The following RAD51B variants were observed in gnomAD, a reference collection of about 807,000 sequenced individuals.
RAD51B encodes RAD51 paralog B, also known as DNA repair protein RAD51 homolog 2.
RAD51B carries 38 observed loss-of-function variants against 42.2 expected under a neutral mutation model. The observed-to-expected ratio is 0.90, with a 90% CI of 0.70 to 1.18. The LOEUF (loss-of-function observed/expected upper bound fraction) is 1.18. Among genes scored for constraint, RAD51B ranks in the 50% most tolerant of loss-of-function variants. The pLI is 0.00. For missense variants in RAD51B, 373 were observed against 400.7 expected, an observed-to-expected ratio of 0.93 and a Z score of 0.59; for synonymous variants, 154 against 145.2, an observed-to-expected ratio of 1.06 and a Z score of -0.43.
At chr14:68,124,612 A>G (rs1359892971) in intron 7 of RAD51B, among the ~76,000 whole-genome samples, 2 of 152,158 alleles carry the variant, frequency 1.3e-5, no homozygotes, top group Non-Finnish European at 2.9e-5. Flanking sequence ...AAAAAAGAAG[A>G]CAGGTTTTCT....
At chr14:68,074,895 C>T (rs2076807788) in intron 7 of RAD51B, among the ~76,000 whole-genome samples, 1 of 152,230 alleles carries the variant, frequency 6.6e-6, no homozygotes, top group Admixed American at 6.5e-5. Context: ...TGTGGCTCCT[C>T]TGCATTTCCT....
chr14:68,251,266 T>C (rs1389674381), intron 7 of RAD51B, among the ~76,000 whole-genome samples: 1 of 152,166 alleles, frequency 6.6e-6, no homozygotes, highest in African/African-American at 2.4e-5. Flanking sequence ...CTCTGACTCT[T>C]TGCAAGGTAT....
intron 7 of RAD51B, among the ~76,000 whole-genome samples, chr14:67,996,933 T>C (rs2075395368): frequency 6.6e-6 from 1 of 152,222 alleles, no homozygotes; most frequent in East Asian, 1.9e-4. Flanking sequence ...CATGAGTTTC[T>C]AATAGATTAG....
chr14:68,301,479 G>C (rs1182330485), intron 8 of RAD51B, among the ~76,000 whole-genome samples: 1 of 151,450 alleles, frequency 6.6e-6, no homozygotes, highest in Non-Finnish European at 1.5e-5. Flanking sequence ...GACAAAACTA[G>C]AACTGAGGGA....
chr14:68,182,763 A>G lies in RAD51B; in HGVS notation c.757-109121A>G, dbSNP rs145705267. 3.2e-3 allele frequency among the ~76,000 whole-genome samples: 480 copies of G among 152,312 alleles called. 2 individuals are homozygous for G. Among genetic ancestry groups the G allele is most frequent in the African/African-American group, 0.011 (458 of 41,564 alleles). On this transcript the variant is annotated intron_variant, in intron 7 of 10. Transcript: ENST00000471583. ...CACCTTCCGGGGAAAATGTTAAGGC[A>G]TTTGCAAACATGCCTAGTTTCTTAG...
chr14:67,870,900 C>T (rs1164268463), intron 5 of RAD51B, among the ~76,000 whole-genome samples: 1 of 133,384 alleles, frequency 7.5e-6, no homozygotes, highest in South Asian at 2.3e-4. Flanking sequence ...AGAACAAAGA[C>T]ACAACATACC....
intron 10 of RAD51B, among the ~76,000 whole-genome samples, chr14:68,582,449 A>C (rs1890251557): frequency 6.6e-6 from 1 of 152,222 alleles, no homozygotes; most frequent in South Asian, 2.1e-4. Flanking sequence ...TCAAAACCAC[A>C]ATGAGATACC....
At chr14:68,668,722 TCTC>T (rs1008077165) in intron 11 of RAD51B, among the ~76,000 whole-genome samples, 5 of 152,298 alleles carry the variant, frequency 3.3e-5, no homozygotes, top group African/African-American at 1.2e-4. Context: ...GGCGGGCTGT[TCTC>T]CTGCACCCCC....
chr14:68,680,488 T>G (rs559311641), intron 11 of RAD51B, among the ~76,000 whole-genome samples: 8 of 152,348 alleles, frequency 5.3e-5, no homozygotes, highest in Admixed American at 5.2e-4. Context: ...TCATTTAATT[T>G]TTAACAATGG....
chr14:68,470,793 G>A (rs1352166043), intron 10 of RAD51B: 2 of 420,332 alleles, frequency 4.8e-6, no homozygotes, highest in Admixed American at 7.2e-5. Context: ...TTTCTTACGT[G>A]GATTGTTGTA....
intron 10 of RAD51B, among the ~76,000 whole-genome samples, chr14:68,513,603 T>TG: frequency 6.6e-6 from 1 of 152,284 alleles, no homozygotes; most frequent in Middle Eastern, 3.4e-3. Context: ...GTATACTGTC[T>TG]GGTCAGTTTC....
At chr14:68,143,069 G>A (rs1025583442) in intron 7 of RAD51B, among the ~76,000 whole-genome samples, 1 of 152,098 alleles carries the variant, frequency 6.6e-6, no homozygotes, top group African/African-American at 2.4e-5. Flanking sequence ...AAGGAACACT[G>A]TGATTTCTGT....
At chr14:68,464,547 T>G (rs1054539224) in intron 9 of RAD51B, among the ~76,000 whole-genome samples, 1 of 152,224 alleles carries the variant, frequency 6.6e-6, no homozygotes, top group African/African-American at 2.4e-5. Context: ...TTCAAGTCAG[T>G]AAGACCAAGC....
intron 7 of RAD51B, among the ~76,000 whole-genome samples, chr14:68,015,489 G>A (rs2075763289): frequency 6.6e-6 from 1 of 152,166 alleles, no homozygotes; most frequent in Non-Finnish European, 1.5e-5. Context: ...TGGCTGGGAG[G>A]CTTCATAATC....
At chr14:68,513,404 G>A (rs941226998) in intron 10 of RAD51B, among the ~76,000 whole-genome samples, 5 of 152,210 alleles carry the variant, frequency 3.3e-5, no homozygotes, top group African/African-American at 1.2e-4. Context: ...AAATTGTAGG[G>A]TTGGAACCTG....
chr14:68,337,549 G>C (rs188305375), intron 8 of RAD51B, among the ~76,000 whole-genome samples: 189 of 152,222 alleles, frequency 1.2e-3, no homozygotes, highest in Non-Finnish European at 2.0e-3. Flanking sequence ...TTCCTTTGCT[G>C]TCTAGCTTTC....
intron 7 of RAD51B, among the ~76,000 whole-genome samples, chr14:68,267,454 A>C (rs1426602847): frequency 1.3e-5 from 2 of 152,226 alleles, no homozygotes; most frequent in Non-Finnish European, 2.9e-5. Flanking sequence ...TACCACTGGG[A>C]GAGTCAAATG....
intron 10 of RAD51B, chr14:68,545,738 T>G: frequency 2.3e-6 from 1 of 426,034 alleles, no homozygotes. Context: ...GTGAAGGGCT[T>G]GGGATTCACA....
At chr14:68,405,003 T>C (rs1224792423) in intron 8 of RAD51B, among the ~76,000 whole-genome samples, 1 of 152,182 alleles carries the variant, frequency 6.6e-6, no homozygotes, top group African/African-American at 2.4e-5. Flanking sequence ...AGAAAGCTAA[T>C]TGGAGTAGTG....
Sources: allele counts gnomAD v4.1 joint callset (sites outside exome capture counted in the v4.1 genomes callset), GRCh38; gene constraint gnomAD v4.1.1; transcripts MANE v1.5; gene names NCBI Gene and HGNC (gene_info 2026-07-23, HGNC 2026-07-21).